Variants in RORB observed in about 807,000 individuals in gnomAD.
RORB encodes the protein nuclear receptor ROR-beta.
Under a neutral mutation model 59.1 loss-of-function variants are expected in RORB, and 6 were observed. The ratio of observed to expected loss-of-function variants is 0.10; its 90% CI spans 0.06 to 0.20. RORB has a LOEUF of 0.20. RORB is among the 10% of genes least tolerant of loss of function. RORB has a pLI of 1.00. For synonymous variants in RORB, 215 were observed against 204.5 expected, an observed-to-expected ratio of 1.05 and a Z score of -0.44; for missense variants, 320 against 560.5, an observed-to-expected ratio of 0.57 and a Z score of 4.33.
intron 1 of RORB, among the ~76,000 whole-genome samples, chr9:74,540,176 G>C (rs1262477115): frequency 1.3e-5 from 2 of 152,088 alleles, no homozygotes; most frequent in Non-Finnish European, 2.9e-5. Flanking sequence ...TTATGTCATT[G>C]ATCTGCACAG....
At chr9:74,570,285 T>A (rs1478967393) in intron 1 of RORB, among the ~76,000 whole-genome samples, 1 of 152,130 alleles carries the variant, frequency 6.6e-6, no homozygotes, top group African/African-American at 2.4e-5. Flanking sequence ...CAGGCATATA[T>A]GTGCTGAATG....
intron 1 of RORB, among the ~76,000 whole-genome samples, chr9:74,616,999 A>AC (rs954344127): frequency 4.6e-5 from 7 of 151,878 alleles, no homozygotes; most frequent in Non-Finnish European, 7.4e-5. Flanking sequence ...TTAAAAAAAA[A>AC]AAAGTTCCTA....
chr9:74,502,694 G>T (rs1188996952), intron 1 of RORB, among the ~76,000 whole-genome samples: 1 of 151,988 alleles, frequency 6.6e-6, no homozygotes, highest in Non-Finnish European at 1.5e-5. Context: ...ATAAAGTGAG[G>T]CTTAAAATTG....
intron 1 of RORB, among the ~76,000 whole-genome samples, chr9:74,593,349 C>T (rs1822928102): frequency 6.6e-6 from 1 of 151,568 alleles, no homozygotes; most frequent in Non-Finnish European, 1.5e-5. Context: ...GCCTATAATC[C>T]CAGCTACTTG....
At chr9:74,672,152 C>T (rs1824357241) in intron 9 of RORB, among the ~76,000 whole-genome samples, 1 of 151,962 alleles carries the variant, frequency 6.6e-6, no homozygotes, top group African/African-American at 2.4e-5. Context: ...TCAATGAAAC[C>T]AAGGGTGTTT....
rs188108328 is a variant in RORB, at chr9:74,536,220, A to G, written c.7+38237A>G. ...AAAAAAGAGAGGAGTCAGTTGCTATACTTACTGTGCTAAAAAAGGGCGGGG... is the reference window on the plus strand; with the variant it reads ...AAAAAAGAGAGGAGTCAGTTGCTATGCTTACTGTGCTAAAAAAGGGCGGGG... On this transcript the variant is annotated intron_variant, in intron 1 of 9. Coordinates refer to ENST00000376896, the MANE Select transcript of RORB (RefSeq NM_006914.4). Among the ~76,000 whole-genome samples, 12 of 152,096 alleles carry G rather than the reference A, an allele frequency of 7.9e-5. No individual in the cohort carries two copies. In the East Asian group the frequency reaches 1.7e-3, roughly 22 times the overall value.
In RORB at chr9:74,549,599, AGG is replaced by A. The variant is rs1563934577; in HGVS notation, c.7+51617_7+51618del. On this transcript the variant is annotated intron_variant, in intron 1 of 9. Coordinates refer to ENST00000376896, the MANE Select transcript of RORB (RefSeq NM_006914.4). Reference sequence around the variant, plus strand: ...AAGGAAGGAAGGAAGGAAGGAAGGAAGGAAGGAAGAAAGGAAGGAAGGAAGGA... The same window carrying A: ...AAGGAAGGAAGGAAGGAAGGAAGGAAAAGGAAGAAAGGAAGGAAGGAAGGA... Among the ~76,000 whole-genome samples, 10 of 60,650 alleles carry A rather than the reference AGG, an allele frequency of 1.6e-4. 1 individual carries two copies. Among genetic ancestry groups the A allele is most frequent in the African/African-American group, 5.9e-4 (7 of 11,922 alleles). The allele number at this position is 60,650 out of a possible 152,430, so 39.8% of individuals were successfully genotyped here. A position where few individuals can be genotyped will look rare whatever the true frequency, so the allele number is the denominator to read the frequency against.
intron 4 of RORB, among the ~76,000 whole-genome samples, chr9:74,645,617 G>T (rs1392527330): frequency 6.6e-6 from 1 of 152,034 alleles, no homozygotes; most frequent in African/African-American, 2.4e-5. Flanking sequence ...TATTTTAATT[G>T]ACTATTAGTA....
chr9:74,676,869 C>T (rs997198698), intron 9 of RORB, among the ~76,000 whole-genome samples: 4 of 152,178 alleles, frequency 2.6e-5, no homozygotes, highest in South Asian at 4.1e-4. Flanking sequence ...GGTTATGTCA[C>T]GTTAATGAAA....
chr9:74,588,863 G>A (rs1200774058), intron 1 of RORB, among the ~76,000 whole-genome samples: 1 of 151,816 alleles, frequency 6.6e-6, no homozygotes, highest in Admixed American at 6.6e-5. Context: ...TTTTTCTCTG[G>A]CCTGCTTTCC....
rs142345492 is a variant in RORB at position 74,603,860 on chromosome 9, G to A, written c.8-26422G>A. Among the ~76,000 whole-genome samples the A allele has an allele frequency of 5.8e-3, 878 of 152,222 alleles. 10 individuals carry two copies. Among genetic ancestry groups the A allele is most frequent in the African/African-American group, 0.02 (831 of 41,520 alleles). ...AATCCACTAGAAAGTGATAATGGGT[G>A]GGCTAAGCGGACTGTGAGGTCTTTG... On this transcript the variant is annotated intron_variant, in intron 1 of 9. Coordinates refer to ENST00000376896, the MANE Select transcript of RORB (RefSeq NM_006914.4).
intron 1 of RORB, among the ~76,000 whole-genome samples, chr9:74,516,175 C>A (rs1023324434): frequency 1.3e-5 from 2 of 152,006 alleles, no homozygotes; most frequent in African/African-American, 2.4e-5. Flanking sequence ...ATAGATAATA[C>A]CATCATCGTA....
In RORB at chr9:74,685,744, T is replaced by G. The variant is rs1824629910; in HGVS notation, c.*126T>G. On this transcript the variant is annotated 3_prime_UTR_variant, in exon 10 of 10. Coordinates refer to ENST00000376896, the MANE Select transcript of RORB (RefSeq NM_006914.4). ...TAGGAATGTCCTGCACTTAATAGAATTATTTTTCACCGCTACAGTTTGAAG... is the reference window on the plus strand; with the variant it reads ...TAGGAATGTCCTGCACTTAATAGAAGTATTTTTCACCGCTACAGTTTGAAG... 1 of 618,900 alleles carries G rather than the reference T, an allele frequency of 1.6e-6. No homozygotes were observed. The highest frequency in any genetic ancestry group is 1.9e-5 in the African/African-American group (1 of 53,884). The allele number at this position is 618,900 out of a possible 1,614,324, so 38.3% of individuals were successfully genotyped here.
chr9:74,556,007 T>C (rs1423724707), intron 1 of RORB, among the ~76,000 whole-genome samples: 1 of 152,240 alleles, frequency 6.6e-6, no homozygotes, highest in Non-Finnish European at 1.5e-5. Context: ...TGGTTCTTTA[T>C]TTGCATGTAT....
intron 1 of RORB, among the ~76,000 whole-genome samples, chr9:74,600,356 T>C (rs1378146022): frequency 6.6e-6 from 1 of 152,234 alleles, no homozygotes. Flanking sequence ...TTAATCACAT[T>C]ATGAAAACAT....
intron 4 of RORB, among the ~76,000 whole-genome samples, chr9:74,643,609 T>C (rs1823846365): frequency 6.6e-6 from 1 of 152,182 alleles, no homozygotes; most frequent in Non-Finnish European, 1.5e-5. Context: ...CATAAAAATA[T>C]TGAAGTAGGT....
At chr9:74,561,200 G>A (rs1049941383) in intron 1 of RORB, among the ~76,000 whole-genome samples, 1 of 152,024 alleles carries the variant, frequency 6.6e-6, no homozygotes. Flanking sequence ...GTCTCTCCCC[G>A]AGATGTGAGG....
At chr9:74,678,056 G>T (rs1293141210) in intron 9 of RORB, among the ~76,000 whole-genome samples, 1 of 152,196 alleles carries the variant, frequency 6.6e-6, no homozygotes, top group Non-Finnish European at 1.5e-5. Flanking sequence ...GGCGAAAGTT[G>T]AAAAGGATTG....
rs138054713 is a variant in RORB at position 74,682,798 on chromosome 9, G to C, written c.1225-2665G>C. ...TAAGAGACAAAGTCTTGCTATGTTG[G>C]CCAGGCTGGTCTCAAACTCCTGGCT... is the stretch of plus-strand genomic sequence containing the variant. On this transcript the variant is annotated intron_variant, in intron 9 of 9. Transcript: ENST00000376896. Among the ~76,000 whole-genome samples, 425 of 152,190 alleles carry C rather than the reference G, an allele frequency of 2.8e-3. 3 individuals are homozygous for C. Among genetic ancestry groups the C allele is most frequent in the African/African-American group, 6.6e-3 (276 of 41,532 alleles).
Sources: gnomAD v4.1 joint callset for allele counts (sites outside exome capture counted in the v4.1 genomes callset) on GRCh38, gnomAD v4.1.1 for gene constraint, MANE v1.5 for transcripts, NCBI Gene and HGNC (gene_info 2026-07-23, HGNC 2026-07-21) for gene names.